OCM: variants seen among roughly 807,000 people sequenced by gnomAD.
The protein encoded by OCM is oncomodulin, also known as oncomodulin-1.
Under a neutral mutation model 14.1 loss-of-function variants are expected in OCM, and 18 were observed. The ratio of observed to expected loss-of-function variants is 1.28; its 90% CI spans 0.88 to 1.89. The LOEUF is 1.89. OCM is among the 40% of genes most tolerant of loss of function. OCM has a pLI of 0.00. For synonymous variants in OCM, 48 were observed against 51.0 expected (o/e 0.94, Z 0.25); for missense variants, 140 against 137.6 (o/e 1.02, Z -0.09).
At chr7:5,869,467 G>A in the OCM span, among the ~76,000 whole-genome samples, 5,285 of 152,114 alleles carry the variant, frequency 0.035, 134 homozygotes, top group Non-Finnish European at 0.051. Flanking sequence ...GCATGGTGGT[G>A]TGTGCCTGTA....
At chr7:5,867,697 T>A in the OCM span, among the ~76,000 whole-genome samples, 14 of 152,072 alleles carry the variant, frequency 9.2e-5, no homozygotes, top group Non-Finnish European at 1.8e-4. Flanking sequence ...TGTTTCTCTC[T>A]GTGTTTCAGC....
chr7:5,881,499 A>G (rs1781215748), intron 1 of OCM, among the ~76,000 whole-genome samples: 1 of 151,866 alleles, frequency 6.6e-6, no homozygotes, highest in South Asian at 2.1e-4. Flanking sequence ...GCATGGTGGC[A>G]TGTGCCTGTG....
At chr7:5,877,819 CAAAAAAAAAAA>C (rs535302724), upstream of OCM, among the ~76,000 whole-genome samples, 1 of 55,302 alleles carries the variant, frequency 1.8e-5, no homozygotes, top group Non-Finnish European at 3.2e-5. Context: ...GACTCCATCT[CAAAAAAAAAAA>C]AAAAAAAAAA....
the OCM span, among the ~76,000 whole-genome samples, chr7:5,860,477 GTATATATACGTGTA>G: frequency 8.2e-5 from 3 of 36,406 alleles, no homozygotes; most frequent in African/African-American, 6.9e-4. Flanking sequence ...ATATATACGT[GTATATATACGTGTA>G]TATATATATT....
upstream of OCM, among the ~76,000 whole-genome samples, chr7:5,876,621 G>A (rs1403071953): frequency 1.3e-5 from 2 of 152,222 alleles, no homozygotes; most frequent in African/African-American, 4.8e-5. Context: ...GAGGTAGGGT[G>A]TCGGCTGGAG....
At chr7:5,873,722 G>T in the OCM span, among the ~76,000 whole-genome samples, 1 of 152,106 alleles carries the variant, frequency 6.6e-6, no homozygotes, top group African/African-American at 2.4e-5. Flanking sequence ...GGCCACCACA[G>T]TTGTTTCCAT....
the OCM span, among the ~76,000 whole-genome samples, chr7:5,874,223 CAAAAAAAA>C: frequency 9.5e-5 from 3 of 31,470 alleles, no homozygotes; most frequent in Non-Finnish European, 1.8e-4. Flanking sequence ...GACTCTGTCT[CAAAAAAAA>C]AAAAAAAAAA....
At chr7:5,862,222 C>A in the OCM span, among the ~76,000 whole-genome samples, 3 of 152,322 alleles carry the variant, frequency 2.0e-5, no homozygotes, top group South Asian at 6.2e-4. Flanking sequence ...CCCAAACTCA[C>A]TATGCCAAAG....
the OCM span, among the ~76,000 whole-genome samples, chr7:5,869,166 A>G: frequency 6.6e-6 from 1 of 152,210 alleles, no homozygotes. Flanking sequence ...ACTGACAGAA[A>G]GCTTCAGGAA....
the OCM span, among the ~76,000 whole-genome samples, chr7:5,870,942 A>C: frequency 1.3e-5 from 2 of 151,636 alleles, no homozygotes; most frequent in African/African-American, 4.9e-5. Flanking sequence ...GCTGGAGTGC[A>C]ATGGCATGAT....
chr7:5,865,035 G>A, the OCM span, among the ~76,000 whole-genome samples: 7 of 152,098 alleles, frequency 4.6e-5, no homozygotes, highest in Non-Finnish European at 1.0e-4. Flanking sequence ...GAAGACAGCG[G>A]GCAGCAGCTG....
chr7:5,884,620 T>C (rs1007547053), intron 3 of OCM, among the ~76,000 whole-genome samples: 3 of 152,062 alleles, frequency 2.0e-5, no homozygotes, highest in Non-Finnish European at 4.4e-5. Flanking sequence ...AGCGTGCTTT[T>C]TAACTGCTTT....
chr7:5,862,900 T>C, the OCM span, among the ~76,000 whole-genome samples: 2 of 149,878 alleles, frequency 1.3e-5, no homozygotes, highest in African/African-American at 4.9e-5. Flanking sequence ...TACTCCCTCT[T>C]TTCATGTTTA....
At chr7:5,865,666 C>T in the OCM span, among the ~76,000 whole-genome samples, 1 of 152,162 alleles carries the variant, frequency 6.6e-6, no homozygotes, top group African/African-American at 2.4e-5. Flanking sequence ...AATTAATGAA[C>T]ATGAATCACC....
At chr7:5,863,638 T>A in the OCM span, among the ~76,000 whole-genome samples, 1 of 151,684 alleles carries the variant, frequency 6.6e-6, no homozygotes, top group Non-Finnish European at 1.5e-5. Flanking sequence ...GTTCAAGCGA[T>A]TCTCCTGCAT....
In OCM at chr7:5,884,726, A is replaced by AAC. The variant is rs533049237; in HGVS notation, c.304+728_304+729dup. ...GTTAGATGCTTATTAAAAAAAAAAA[A>AAC]ACCTGTTCAAAATTATACCACTATC... is the stretch of plus-strand genomic sequence containing the variant. On this transcript the variant is annotated intron_variant, in intron 3 of 3. Coordinates refer to ENST00000242104, the MANE Select transcript of OCM (RefSeq NM_001097622.2). Among the ~76,000 whole-genome samples, 211 of 151,616 alleles carry AAC rather than the reference A, an allele frequency of 1.4e-3. 4 individuals carry two copies. In the East Asian group the frequency reaches 0.039, roughly 28 times the overall value.
chr7:5,865,008 G>C, the OCM span, among the ~76,000 whole-genome samples: 99 of 151,936 alleles, frequency 6.5e-4, no homozygotes, highest in African/African-American at 2.3e-3. Flanking sequence ...TGAGACATTT[G>C]ACTTGAAAGA....
chr7:5,860,365 CAT>C, the OCM span, among the ~76,000 whole-genome samples: 1,160 of 137,178 alleles, frequency 8.5e-3, 21 homozygotes, highest in African/African-American at 0.029. Flanking sequence ...TATATATATG[CAT>C]ATATATATAT....
At chr7:5,884,789 T>C (rs1050138788) in intron 3 of OCM, among the ~76,000 whole-genome samples, 7 of 151,504 alleles carry the variant, frequency 4.6e-5, no homozygotes, top group African/African-American at 1.7e-4. Context: ...AGATAGCTCA[T>C]AAAAACAGAT....
Sources: gnomAD v4.1 joint callset for allele counts (sites outside exome capture counted in the v4.1 genomes callset) on GRCh38, gnomAD v4.1.1 for gene constraint, MANE v1.5 for transcripts, NCBI Gene and HGNC (gene_info 2026-07-23, HGNC 2026-07-21) for gene names.